Variants in GPRC5C observed in about 807,000 individuals in gnomAD.
GPRC5C encodes the protein G protein-coupled receptor class C group 5 member C, also known as G protein-coupled receptor family C group 5 member C.
Under a neutral mutation model 31.4 loss-of-function variants are expected in GPRC5C, and 22 were observed. The ratio of observed to expected loss-of-function variants is 0.70; its 90% CI spans 0.50 to 1.00. GPRC5C has a LOEUF of 1.00. Among genes scored for constraint, GPRC5C ranks in the 50% least tolerant of loss-of-function variants. The pLI, the probability that GPRC5C is intolerant of heterozygous loss-of-function variation, is 0.00. For missense variants in GPRC5C, 557 were observed against 597.2 expected, an observed-to-expected ratio of 0.93 and a Z score of 0.70; for synonymous variants, 249 against 257.5, an observed-to-expected ratio of 0.97 and a Z score of 0.32.
chr17:74,438,189 C>T (rs1423030716), intron 1 of GPRC5C, among the ~76,000 whole-genome samples: 5 of 137,012 alleles, frequency 3.6e-5, no homozygotes, highest in Non-Finnish European at 6.2e-5. Flanking sequence ...TGCATGCCAC[C>T]ACACTCTCTG....
In GPRC5C at chr17:74,439,879, C is replaced by A. The variant is rs139489735; in HGVS notation, c.103C>A (p.Leu35Ile). ...TGTCCCACCCGGCTGCAGCCAAGGCCTCAACCCCCTGTACTACAACCTGTG... is the reference window on the plus strand; with the variant it reads ...TGTCCCACCCGGCTGCAGCCAAGGCATCAACCCCCTGTACTACAACCTGTG... The part of the protein sequence containing the change: ...GHVPPGCSQG[L>I]NPLYYNLCDR... Residue 35 changes from leucine (L) to isoleucine (I), a missense_variant, in exon 2 of 4, where the codon CTC becomes ATC. Transcript: ENST00000392627. 174 of 1,613,274 alleles carry A rather than the reference C, an allele frequency of 1.1e-4. No homozygotes were observed. The African/African-American group carries it at 1.9e-3, about 17-fold the overall frequency.
chr17:74,432,322 C>T, intron 1 of GPRC5C, 181 bp downstream of exon 1: 1 of 1,436,230 alleles, frequency 7.0e-7, no homozygotes, highest in Non-Finnish European at 9.1e-7. Flanking sequence ...CGCGCGAGAG[C>T]GAGCAACCCA....
In GPRC5C at chr17:74,440,292, A is replaced by G; in HGVS notation, c.516A>G (p.Thr172=). 1.2e-6 allele frequency: 2 copies of G among 1,614,156 alleles called. No homozygotes were observed. Among genetic ancestry groups the G allele is most frequent in the Non-Finnish European group, 1.7e-6 (2 of 1,180,006 alleles). Residue 172 remains threonine, a synonymous_variant, in exon 2 of 4, where the codon ACA becomes ACG. Transcript: ENST00000392627. The surrounding 1 kb of genome is among the most constrained non-coding windows in gnomAD (Gnocchi z 4.4). ...LLTLVEVIIN[T]EWLIITLVRG... ...CCCTGGTAGAGGTCATCATCAATAC[A>G]GAGTGGCTGATCATCACCCTGGTTC...
At position 74,440,310 on chromosome 17, in the gene GPRC5C, C is replaced by A; in HGVS notation, c.534C>A (p.Thr178=). ...VIINTEWLII[T]LVRGSGEGGP... is the part of the protein sequence containing the mutation. Reference sequence around the variant, plus strand: ...TCAATACAGAGTGGCTGATCATCACCCTGGTTCGGGGCAGTGGCGAGGGCG... The same window carrying A: ...TCAATACAGAGTGGCTGATCATCACACTGGTTCGGGGCAGTGGCGAGGGCG... Residue 178 remains threonine, a synonymous_variant, in exon 2 of 4, where the codon ACC becomes ACA. Coordinates refer to ENST00000392627, the MANE Select transcript of GPRC5C (RefSeq NM_022036.4). The surrounding 1 kb of genome is among the most constrained non-coding windows in gnomAD (Gnocchi z 4.4). 6.2e-7 allele frequency: 1 copy of A among 1,614,186 alleles called. No individual in the cohort carries two copies. The highest frequency in any genetic ancestry group is 8.5e-7 in the Non-Finnish European group (1 of 1,180,022).
intron 1 of GPRC5C, chr17:74,433,706 C>T (rs2144400361): frequency 6.2e-7 from 1 of 1,612,866 alleles, no homozygotes; most frequent in Non-Finnish European, 8.5e-7. Context: ...GGGGGAACCT[C>T]CCTGAAGAGT....
rs190176111 is a variant in GPRC5C at position 74,446,280 on chromosome 17, G to A, written c.1147-569G>A. 1,455 of 151,948 alleles carry A rather than the reference G, an allele frequency of 9.6e-3. 20 individuals are homozygous for A. The highest frequency in any genetic ancestry group is 0.061 in the Middle Eastern group (18 of 294). 9.4% of individuals were successfully genotyped at this position (151,948 alleles called of 1,614,324 possible). A position where few individuals can be genotyped will look rare whatever the true frequency, so the allele number is the denominator to read the frequency against. On this transcript the variant is annotated intron_variant, in intron 3 of 3. Transcript: ENST00000392627. ...ATCCTGGCTAACATGATGAAACACC[G>A]TCTCTAATAAAAATACAAAAAATTA...
At chr17:74,443,475 C>G (rs2055575371) in intron 2 of GPRC5C, 2 of 445,214 alleles carry the variant, frequency 4.5e-6, no homozygotes, top group East Asian at 1.2e-4. Context: ...CCCATGTGTC[C>G]TCTTGGCCTC....
rs1460053341 is a variant in GPRC5C at position 74,432,116 on chromosome 17, A to T, written c.-58A>T. On this transcript the variant is annotated 5_prime_UTR_variant, in exon 1 of 4. Coordinates refer to ENST00000392627, the MANE Select transcript of GPRC5C (RefSeq NM_022036.4). ...AACTCCCATCTCCCTCACCAGCCGG[A>T]AAGTACGAGTCGGCTCAGCCTGGAG... 1.9e-6 allele frequency: 3 copies of T among 1,613,318 alleles called. No individual in the cohort carries two copies. Among genetic ancestry groups the T allele is most frequent in the Non-Finnish European group, 2.5e-6 (3 of 1,179,834 alleles).
Position 74,440,561 on chromosome 17 carries a change from T to C in GPRC5C, c.785T>C (p.Met262Thr), listed in dbSNP as rs1021757248. 8 of 1,614,054 alleles carry C rather than the reference T, an allele frequency of 5.0e-6. No homozygotes were observed. In the African/African-American group the frequency reaches 6.7e-5, roughly 13 times the overall value. Residue 262 changes from methionine to threonine, a missense_variant, in exon 2 of 4, where the codon ATG (methionine) becomes ACG (threonine). Transcript: ENST00000392627. This position sits in a 1 kb window ranked among gnomAD's most constrained non-coding sequence, Gnocchi z 4.4. The part of the protein sequence containing the change: ...SVAIWVVWIV[M>T]YTYGNKQHNS... ...GCCATATGGGTGGTGTGGATCGTCA[T>C]GTATACTTACGGCAACAAGCAGCAC...
Position 74,447,276 on chromosome 17 carries a change from C to A in GPRC5C, c.*248C>A. ...CAGGATCACCTCGGCGGTCACACTC[C>A]AGCCAAATAGTGTTCTCGGGGTGGT... is the stretch of plus-strand genomic sequence containing the variant. On this transcript the variant is annotated 3_prime_UTR_variant, in exon 4 of 4. Transcript: ENST00000392627. 1 of 1,275,478 alleles carries A rather than the reference C, an allele frequency of 7.8e-7. No individual in the cohort carries two copies. The allele number at this position is 1,275,478 out of a possible 1,614,324, so 79.0% of individuals were successfully genotyped here.
At chr17:74,434,798 C>T (rs2055407678) in intron 1 of GPRC5C, among the ~76,000 whole-genome samples, 1 of 152,138 alleles carries the variant, frequency 6.6e-6, no homozygotes, top group Non-Finnish European at 1.5e-5. Flanking sequence ...TGGTGGGCAC[C>T]TGTAATCCCA....
chr17:74,450,478 C>G (rs2144462027), downstream of GPRC5C: 1 of 152,332 alleles, frequency 6.6e-6, no homozygotes. Context: ...CTGTGAGATC[C>G]AGGACTAAAG....
chr17:74,437,464 G>A (rs1364143980), intron 1 of GPRC5C, among the ~76,000 whole-genome samples: 1 of 152,178 alleles, frequency 6.6e-6, no homozygotes, highest in Non-Finnish European at 1.5e-5. Context: ...GAAAGATGAG[G>A]TAGCTGAGAT....
At chr17:74,444,518 C>G (rs570953081) in intron 3 of GPRC5C, among the ~76,000 whole-genome samples, 60 of 152,288 alleles carry the variant, frequency 3.9e-4, no homozygotes, top group Non-Finnish European at 7.1e-4. Context: ...TCCCGGCTGG[C>G]AGAGGCTGTG....
intron 1 of GPRC5C, 36 bp downstream of exon 1, chr17:74,432,177 TC>T: frequency 6.3e-7 from 1 of 1,593,784 alleles, no homozygotes; most frequent in Non-Finnish European, 8.5e-7. Context: ...CAGGCTTTGT[TC>T]CTGTGTAAAC....
In GPRC5C at chr17:74,440,619, C is replaced by A; in HGVS notation, c.843C>A (p.Ala281=). 1 of 1,609,066 alleles carries A rather than the reference C, an allele frequency of 6.2e-7. No homozygotes were observed. Among genetic ancestry groups the A allele is most frequent in the Non-Finnish European group, 8.5e-7 (1 of 1,175,816 alleles). The change falls in exon 2 of 4, where the codon GCC becomes GCA. Residue 281 remains alanine, a synonymous_variant. Transcript: ENST00000392627. The surrounding 1 kb of genome is among the most constrained non-coding windows in gnomAD (Gnocchi z 4.4). Reference sequence around the variant, plus strand: ...CCACCTGGGATGACCCCACGCTGGCCATCGCCCTCGCCGCCAATGCCTGGG... The same window carrying A: ...CCACCTGGGATGACCCCACGCTGGCAATCGCCCTCGCCGCCAATGCCTGGG... ...NSPTWDDPTL[A]IALAANAWAF...
At chr17:74,437,940 G>A (rs1277675190) in intron 1 of GPRC5C, among the ~76,000 whole-genome samples, 1 of 152,060 alleles carries the variant, frequency 6.6e-6, no homozygotes, top group Non-Finnish European at 1.5e-5. Context: ...ATTTGAACAC[G>A]TGGGGTGACT....
downstream of GPRC5C, among the ~76,000 whole-genome samples, chr17:74,448,028 G>A (rs1416214509): frequency 6.6e-6 from 1 of 152,228 alleles, no homozygotes; most frequent in Non-Finnish European, 1.5e-5. Flanking sequence ...GTCCATTTAT[G>A]CGGGGTGCGA....
downstream of GPRC5C, chr17:74,449,451 C>A: frequency 1.2e-6 from 1 of 857,268 alleles, no homozygotes; most frequent in Non-Finnish European, 1.7e-6. Context: ...CTTTCCCATC[C>A]TTGTCATTGG....
Sources: gnomAD v4.1 joint callset for allele counts (sites outside exome capture counted in the v4.1 genomes callset) on GRCh38, gnomAD v4.1.1 for gene constraint, Gnocchi (gnomAD v3.1) non-coding constraint, MANE v1.5 for transcripts, NCBI Gene and HGNC (gene_info 2026-07-23, HGNC 2026-07-21) for gene names.